Variants in CACNA1C observed in about 807,000 individuals in gnomAD.
The protein encoded by CACNA1C is voltage-dependent L-type calcium channel subunit alpha-1C.
Under a neutral mutation model 229.0 loss-of-function variants are expected in CACNA1C, and 30 were observed. The ratio of observed to expected loss-of-function variants is 0.13; its 90% CI spans 0.10 to 0.18. The LOEUF is 0.18. Ranked by LOEUF, CACNA1C falls within the 10% of genes least tolerant of loss-of-function variation. The pLI is 1.00. For synonymous variants in CACNA1C, 1,114 were observed against 1,132.5 expected (o/e 0.98, Z 0.33); for missense variants, 1,658 against 2,845.0 (o/e 0.58, Z 9.49).
rs763622598 is a variant in CACNA1C, at chr12:2,610,710, G to A, written c.3717+11G>A. The A allele has an allele frequency of 1.4e-5, 22 of 1,614,122 alleles. No individual in the cohort carries two copies. The Admixed American group carries it at 2.7e-4, about 20-fold the overall frequency. On this transcript the variant is annotated intron_variant, in intron 28 of 46. Transcript: ENST00000399655. ...TGCCTGGCCATGCAGGTCAGTCCCA[G>A]GAGGAGCACAGCCATGGTGCTGCAG... is the stretch of plus-strand genomic sequence containing the variant.
At chr12:2,042,618 T>TTC (rs1424792211) in intron 1 of CACNA1C, among the ~76,000 whole-genome samples, 3 of 152,150 alleles carry the variant, frequency 2.0e-5, no homozygotes, top group African/African-American at 7.2e-5. Flanking sequence ...ACCACAGGGA[T>TTC]ATGGACCTGG....
Position 2,152,846 on chromosome 12 carries a change from G to A in CACNA1C, c.477+32416G>A, listed in dbSNP as rs1008753739. On this transcript the variant is annotated intron_variant, in intron 3 of 46. Transcript: ENST00000399655. The surrounding 1 kb of genome is among the most constrained non-coding windows in gnomAD (Gnocchi z 4.2). The stretch of plus-strand genomic sequence containing the variant: ...TGTCACCCACAGGACTGGTGTGCCC[G>A]GTAGGAAAGATTGGTAGGTCCCACT... Among the ~76,000 whole-genome samples, 9 of 152,134 alleles carry A rather than the reference G, an allele frequency of 5.9e-5. No homozygotes were observed. Among genetic ancestry groups the A allele is most frequent in the Non-Finnish European group, 1.0e-4 (7 of 68,030 alleles).
chr12:2,118,395 A>G (rs1565806065), intron 2 of CACNA1C, among the ~76,000 whole-genome samples: 1 of 152,172 alleles, frequency 6.6e-6, no homozygotes, highest in Non-Finnish European at 1.5e-5. Context: ...TTTGGGAGGC[A>G]AGAGGTGGCG....
intron 1 of CACNA1C, among the ~76,000 whole-genome samples, chr12:2,043,499 T>C (rs2050505746): frequency 6.6e-6 from 1 of 152,136 alleles, no homozygotes; most frequent in Non-Finnish European, 1.5e-5. Context: ...AAACAGGTCT[T>C]CCATCTCCTC....
rs2097786842 is a variant in CACNA1C, at chr12:2,691,406, A to C, written c.*207A>C. 2.1e-6 allele frequency: 1 copy of C among 479,182 alleles called. No individual in the cohort carries two copies. The highest frequency in any genetic ancestry group is 3.4e-6 in the Non-Finnish European group (1 of 297,988). The allele number at this position is 479,182 out of a possible 1,614,324, so 29.7% of individuals were successfully genotyped here. A position where few individuals can be genotyped will look rare whatever the true frequency, so the allele number is the denominator to read the frequency against. ...CTGCGTCTGCAGAGGCGGGGAGAGG[A>C]GGCGGCGAGGGTCCCGGGGCGCGAG... On this transcript the variant is annotated 3_prime_UTR_variant, in exon 47 of 47. Transcript: ENST00000399655.
intron 1 of CACNA1C, among the ~76,000 whole-genome samples, chr12:2,022,710 G>A (rs2429141): frequency 0.47 from 70,835 of 151,978 alleles, 17,238 homozygotes; most frequent in East Asian, 0.79. Context: ...CTCCCAAAGT[G>A]TTGAGATTAC....
intron 3 of CACNA1C, among the ~76,000 whole-genome samples, chr12:2,398,509 T>C (rs2098628556): frequency 6.6e-6 from 1 of 152,216 alleles, no homozygotes; most frequent in Non-Finnish European, 1.5e-5. Context: ...ACTCACCAGA[T>C]GACTTCTGGG....
intron 3 of CACNA1C, among the ~76,000 whole-genome samples, chr12:2,363,160 C>T (rs994542467): frequency 3.9e-5 from 6 of 152,164 alleles, no homozygotes; most frequent in Admixed American, 2.6e-4. Flanking sequence ...TCCTCTTGTC[C>T]CAGTTGTGCC....
chr12:2,388,956 T>G (rs188334854), intron 3 of CACNA1C, among the ~76,000 whole-genome samples: 5 of 152,304 alleles, frequency 3.3e-5, no homozygotes, highest in African/African-American at 1.2e-4. Context: ...AAATGTAGAT[T>G]GGGGTCATCA....
chr12:2,470,618 G>C (rs184628908), intron 5 of CACNA1C, among the ~76,000 whole-genome samples: 1 of 152,252 alleles, frequency 6.6e-6, no homozygotes, highest in East Asian at 1.9e-4. Flanking sequence ...TGTGTGCCTC[G>C]ATTTCCTGAT....
Position 2,651,823 on chromosome 12 carries a change from C to A in CACNA1C, c.4074+55C>A. 7.1e-7 allele frequency: 1 copy of A among 1,412,704 alleles called. No homozygotes were observed. The highest frequency in any genetic ancestry group is 9.7e-7 in the Non-Finnish European group (1 of 1,032,948). 87.5% of individuals were successfully genotyped at this position (1,412,704 alleles called of 1,614,324 possible). A position where few individuals can be genotyped will look rare whatever the true frequency, so the allele number is the denominator to read the frequency against. On this transcript the variant is annotated intron_variant, in intron 32 of 46. Transcript: ENST00000399655. This position sits in a 1 kb window ranked among gnomAD's most constrained non-coding sequence, Gnocchi z 5.4. ...GGAATCGCAGGGCTGCCGCGTGGCC[C>A]AGAACACAGCTGACACAAGGAGGAG...
At chr12:2,345,051 C>G (rs1225039783) in intron 3 of CACNA1C, among the ~76,000 whole-genome samples, 1 of 148,910 alleles carries the variant, frequency 6.7e-6, no homozygotes, top group Non-Finnish European at 1.5e-5. Context: ...AGATCAAGCT[C>G]TCTGGCCGTG....
rs1446240891 is a variant in CACNA1C at position 2,186,986 on chromosome 12, A to G, written c.477+66556A>G. On this transcript the variant is annotated intron_variant, in intron 3 of 46. Coordinates refer to ENST00000399655, the MANE Select transcript of CACNA1C (RefSeq NM_000719.7). Reference sequence around the variant, plus strand: ...TTCCCCACAAACTGGCTGTGAGCACACCCGACCCCTTTCCTGTCCTGCTGC... The same window carrying G: ...TTCCCCACAAACTGGCTGTGAGCACGCCCGACCCCTTTCCTGTCCTGCTGC... 2.7e-5 allele frequency among the ~76,000 whole-genome samples: 4 copies of G among 147,156 alleles called. No individual in the cohort carries two copies. The South Asian group carries it at 8.3e-4, about 31-fold the overall frequency.
rs2097000395 is a variant in CACNA1C, at chr12:2,679,328, A to G, written c.5092-116A>G. On this transcript the variant is annotated intron_variant, in intron 41 of 46. Transcript: ENST00000399655. This position sits in a 1 kb window ranked among gnomAD's most constrained non-coding sequence, Gnocchi z 5.5. Reference sequence around the variant, plus strand: ...CCCAGCAGGGCTGTGCCTACCCGAAAGAAGGCAGCCCGCCTTCCCAGGCCC... The same window carrying G: ...CCCAGCAGGGCTGTGCCTACCCGAAGGAAGGCAGCCCGCCTTCCCAGGCCC... 2.7e-6 allele frequency: 2 copies of G among 743,934 alleles called. No homozygotes were observed. Among genetic ancestry groups the G allele is most frequent in the Non-Finnish European group, 4.3e-6 (2 of 469,684 alleles). The allele number at this position is 743,934 out of a possible 1,614,324, so 46.1% of individuals were successfully genotyped here.
In CACNA1C at chr12:2,606,592, T is replaced by C; in HGVS notation, c.3157-19T>C. 3 of 1,593,194 alleles carry C rather than the reference T, an allele frequency of 1.9e-6. No homozygotes were observed. Among genetic ancestry groups the C allele is most frequent in the Non-Finnish European group, 2.6e-6 (3 of 1,168,682 alleles). Reference sequence around the variant, plus strand: ...ATTGATTACTGAACATCTCTGATACTCTGTTCTCTGCCTTCCAGGGAAAGC... The same window carrying C: ...ATTGATTACTGAACATCTCTGATACCCTGTTCTCTGCCTTCCAGGGAAAGC... On this transcript the variant is annotated intron_variant, in intron 24 of 46. Coordinates refer to ENST00000399655, the MANE Select transcript of CACNA1C (RefSeq NM_000719.7).
At position 2,024,605 on chromosome 12, in the gene CACNA1C, C is replaced by T. The variant is rs1022912931; in HGVS notation, c.139+53404C>T. 5.3e-5 allele frequency among the ~76,000 whole-genome samples: 8 copies of T among 152,290 alleles called. No individual in the cohort carries two copies. In the East Asian group the frequency reaches 1.5e-3, roughly 29 times the overall value. On this transcript the variant is annotated intron_variant, in intron 1 of 46. Coordinates refer to the CACNA1C transcript ENST00000682462. ...CTCTTTTCCCTCTCAGCCCAACAAC[C>T]AGAACTCAGTCCACTGAAAGGTAGG...
At chr12:2,264,057 C>T (rs2081357848) in intron 3 of CACNA1C, among the ~76,000 whole-genome samples, 2 of 152,204 alleles carry the variant, frequency 1.3e-5, no homozygotes, top group Non-Finnish European at 2.9e-5. Flanking sequence ...CTGGGGTATC[C>T]ACCCCTCCAC....
At chr12:2,002,276 A>G (rs1039975794) in intron 1 of CACNA1C, among the ~76,000 whole-genome samples, 2 of 152,182 alleles carry the variant, frequency 1.3e-5, no homozygotes, top group African/African-American at 4.8e-5. Flanking sequence ...TTAGGTTTAC[A>G]TTCAAACGGC....
chr12:2,053,562 C>T lies in CACNA1C; in HGVS notation c.-1C>T, dbSNP rs1446356272. ...CCTCCTATTAAAACCATTTTTGGTC[C>T]ATGGTCAATGAGAATACGAGGATGT... On this transcript the variant is annotated 5_prime_UTR_variant, in exon 1 of 47. Coordinates refer to ENST00000399655, the MANE Select transcript of CACNA1C (RefSeq NM_000719.7). The surrounding 1 kb of genome is among the most constrained non-coding windows in gnomAD (Gnocchi z 5.8). 1.3e-6 allele frequency: 2 copies of T among 1,595,140 alleles called. No homozygotes were observed. The highest frequency in any genetic ancestry group is 2.3e-5 in the South Asian group (2 of 87,372).
Sources: gnomAD v4.1 joint callset for allele counts (sites outside exome capture counted in the v4.1 genomes callset) on GRCh38, gnomAD v4.1.1 for gene constraint, Gnocchi (gnomAD v3.1) non-coding constraint, MANE v1.5 for transcripts, NCBI Gene and HGNC (gene_info 2026-07-23, HGNC 2026-07-21) for gene names.